Variants in KY observed in about 807,000 individuals in gnomAD.
KY encodes the protein kyphoscoliosis peptidase.
KY carries 43 observed loss-of-function variants against 76.1 expected under a neutral mutation model. The ratio of observed to expected loss-of-function variants is 0.57; its 90% CI spans 0.44 to 0.73. The LOEUF is 0.73. Among genes scored for constraint, KY ranks in the 30% least tolerant of loss-of-function variants. The pLI is 0.00. For synonymous variants in KY, 277 were observed against 326.2 expected (o/e 0.85, Z 1.63); for missense variants, 722 against 828.9 (o/e 0.87, Z 1.58).
intron 6 of KY, among the ~76,000 whole-genome samples, chr3:134,623,786 T>C (rs569597525): frequency 3.9e-4 from 59 of 152,272 alleles, no homozygotes; most frequent in African/African-American, 1.4e-3. Flanking sequence ...CTTGAGCAGA[T>C]AGCACAGCTC....
At chr3:134,610,538 T>C (rs1449619510) in intron 8 of KY, 155 bp from the exon 9 acceptor site, 3 of 654,564 alleles carry the variant, frequency 4.6e-6, no homozygotes, top group Non-Finnish European at 7.8e-6. Context: ...ACAGCCTTGA[T>C]GGCTTTTATC....
intron 6 of KY, 89 bp from the exon 7 acceptor site, chr3:134,620,946 T>C (rs1962511727): frequency 1.3e-6 from 1 of 775,448 alleles, no homozygotes; most frequent in Non-Finnish European, 2.2e-6. Flanking sequence ...AGTGCTGCTC[T>C]TCCTCCAGGC....
intron 3 of KY, among the ~76,000 whole-genome samples, chr3:134,637,320 G>T (rs1263294673): frequency 6.6e-6 from 1 of 152,244 alleles, no homozygotes; most frequent in Non-Finnish European, 1.5e-5. Context: ...GCATGGGCCT[G>T]TTCTTTTCCT....
chr3:134,636,561 TCCCAGACCAG>T (rs1281762307), intron 3 of KY, among the ~76,000 whole-genome samples: 1 of 152,148 alleles, frequency 6.6e-6, no homozygotes, highest in Non-Finnish European at 1.5e-5. Flanking sequence ...GGTGAGGCTA[TCCCAGACCAG>T]CTGGTCTCCA....
intron 10 of KY, among the ~76,000 whole-genome samples, chr3:134,604,784 C>A: frequency 6.6e-6 from 1 of 152,170 alleles, no homozygotes; most frequent in East Asian, 1.9e-4. Flanking sequence ...GCATCCTGCC[C>A]AATTGATTCA....
intron 2 of KY, among the ~76,000 whole-genome samples, chr3:134,644,808 G>A (rs1002061945): frequency 5.9e-5 from 9 of 152,218 alleles, no homozygotes; most frequent in Admixed American, 5.9e-4. Context: ...GTCCTGCCCT[G>A]GAAAGCCTGC....
chr3:134,608,106 C>T, intron 10 of KY: 1 of 1,127,932 alleles, frequency 8.9e-7, no homozygotes. Flanking sequence ...ACCCATGTTG[C>T]TCCCCATCCT....
At chr3:134,609,071 C>T (rs1282480188) in intron 9 of KY, among the ~76,000 whole-genome samples, 1 of 152,234 alleles carries the variant, frequency 6.6e-6, no homozygotes, top group African/African-American at 2.4e-5. Flanking sequence ...GGTCTGCACT[C>T]AGTGCCCTAG....
chr3:134,629,604 A>C lies in KY; in HGVS notation c.337+17T>G. On this transcript the variant is annotated intron_variant, in intron 4 of 10. Transcript: ENST00000423778. Reference sequence around the variant, plus strand: ...TCTCTGCCAGCCCTCCACCATGAGTACCTGTGTCATACATACGTTTAGCCA... The same window carrying C: ...TCTCTGCCAGCCCTCCACCATGAGTCCCTGTGTCATACATACGTTTAGCCA... 1 of 1,583,518 alleles carries C rather than the reference A, an allele frequency of 6.3e-7. No homozygotes were observed. The highest frequency in any genetic ancestry group is 8.6e-7 in the Non-Finnish European group (1 of 1,163,310).
At chr3:134,609,541 A>G (rs1312166892) in intron 9 of KY, among the ~76,000 whole-genome samples, 1 of 152,208 alleles carries the variant, frequency 6.6e-6, no homozygotes, top group African/African-American at 2.4e-5. Context: ...TCTGAATAAA[A>G]AGGAATCTGA....
chr3:134,624,822 G>A (rs574590264), intron 6 of KY, among the ~76,000 whole-genome samples: 31 of 152,292 alleles, frequency 2.0e-4, no homozygotes, highest in Non-Finnish European at 3.5e-4. Context: ...TGTATGGGGT[G>A]GGAGCAACAG....
intron 10 of KY, chr3:134,608,048 GC>G: frequency 9.3e-7 from 1 of 1,070,620 alleles, no homozygotes. Flanking sequence ...AAGGAAGTCT[GC>G]CCCAACTCTC....
rs568592389 is a variant in KY at position 134,640,584 on chromosome 3, G to T, written c.262+2732C>A. On this transcript the variant is annotated intron_variant, in intron 3 of 10. Transcript: ENST00000423778. Reference sequence around the variant, plus strand: ...GGGCCGGTGTGGTTCGCAGAACAGAGCCCAAAGGTTGTCAAGGCTCATGAG... The same window carrying T: ...GGGCCGGTGTGGTTCGCAGAACAGATCCCAAAGGTTGTCAAGGCTCATGAG... 4.6e-5 allele frequency among the ~76,000 whole-genome samples: 7 copies of T among 152,254 alleles called. No individual in the cohort carries two copies. In the East Asian group the frequency reaches 9.7e-4, roughly 21 times the overall value.
chr3:134,640,334 G>C (rs532311694), intron 3 of KY, among the ~76,000 whole-genome samples: 1 of 152,280 alleles, frequency 6.6e-6, no homozygotes, highest in African/African-American at 2.4e-5. Flanking sequence ...CCACAGACAT[G>C]GGTTCAACTT....
chr3:134,620,998 G>A (rs911800824), intron 6 of KY, 141 bp from the exon 7 acceptor site: 1 of 630,370 alleles, frequency 1.6e-6, no homozygotes, highest in South Asian at 1.9e-5. Context: ...AAGGCTGGCT[G>A]AGGACAAATT....
At chr3:134,633,893 G>A (rs1021048989) in intron 3 of KY, among the ~76,000 whole-genome samples, 1 of 152,150 alleles carries the variant, frequency 6.6e-6, no homozygotes, top group African/African-American at 2.4e-5. Flanking sequence ...GAACTAATAA[G>A]TTAGTTTAGC....
Position 134,602,239 on chromosome 3 carries a change from C to T in KY, c.*1340G>A, listed in dbSNP as rs2107725482. Among the ~76,000 whole-genome samples, 1 of 152,262 alleles carries T rather than the reference C, an allele frequency of 6.6e-6. No individual in the cohort carries two copies. Among genetic ancestry groups the T allele is most frequent in the South Asian group, 2.1e-4 (1 of 4,828 alleles). The stretch of plus-strand genomic sequence containing the variant: ...GTTCTGCAGTGGCCATGTGGGGCCT[C>T]TCTCGCCTTTCCCTCTTATCTGCCC... On this transcript the variant is annotated 3_prime_UTR_variant, in exon 11 of 11. Transcript: ENST00000423778.
At chr3:134,627,717 G>T in intron 5 of KY, 39 bp downstream of exon 5, 7 of 1,575,264 alleles carry the variant, frequency 4.4e-6, no homozygotes, top group Non-Finnish European at 6.1e-6. Context: ...AAACCCATGT[G>T]CTCTCTTGAG....
At chr3:134,616,395 G>A (rs1484284406) in intron 8 of KY, among the ~76,000 whole-genome samples, 1 of 152,110 alleles carries the variant, frequency 6.6e-6, no homozygotes, top group Non-Finnish European at 1.5e-5. Flanking sequence ...AACCAAGAAG[G>A]GATAAATCAG....
Sources: allele counts gnomAD v4.1 joint callset (sites outside exome capture counted in the v4.1 genomes callset), GRCh38; gene constraint gnomAD v4.1.1; transcripts MANE v1.5; gene names NCBI Gene and HGNC (gene_info 2026-07-23, HGNC 2026-07-21).